The following FAM78B variants were observed in gnomAD, a reference collection of about 807,000 sequenced individuals.
The protein encoded by FAM78B is protein FAM78B.
A neutral mutation model predicts 20.0 loss-of-function variants in FAM78B; 10 were observed. The ratio of observed to expected loss-of-function variants is 0.50; its 90% CI spans 0.31 to 0.85. FAM78B has a LOEUF of 0.85. Among genes scored for constraint, FAM78B ranks in the 40% least tolerant of loss-of-function variants. FAM78B has a pLI of 0.05. For synonymous variants in FAM78B, 135 were observed against 132.8 expected (o/e 1.02, Z -0.12); for missense variants, 283 against 345.0 (o/e 0.82, Z 1.42).
intron 1 of FAM78B, among the ~76,000 whole-genome samples, chr1:166,125,447 C>T (rs1480090282): frequency 1.3e-5 from 2 of 152,186 alleles, no homozygotes; most frequent in Non-Finnish European, 2.9e-5. Context: ...GGTCCATCTT[C>T]CCTGCCAGTG....
intron 1 of FAM78B, among the ~76,000 whole-genome samples, chr1:166,117,512 C>T (rs564026370): frequency 3.4e-4 from 51 of 152,200 alleles, no homozygotes; most frequent in African/African-American, 1.2e-3. Context: ...CCATTAATTC[C>T]CATGTGAAAA....
chr1:166,070,081 CA>C lies in FAM78B; in HGVS notation c.*159del. 7.6e-7 allele frequency: 1 copy of C among 1,312,714 alleles called. No homozygotes were observed. The highest frequency in any genetic ancestry group is 3.0e-4 in the Middle Eastern group (1 of 3,384). The allele number at this position is 1,312,714 out of a possible 1,614,324, so 81.3% of individuals were successfully genotyped here. On this transcript the variant is annotated 3_prime_UTR_variant, in exon 2 of 2. Transcript: ENST00000354422. ...TTTTTCCTAAGGATTATGGTTCTACCACCCAAGGAGCAGCCCTACTCTTCAA... is the reference window on the plus strand; with the variant it reads ...TTTTTCCTAAGGATTATGGTTCTACCCCCAAGGAGCAGCCCTACTCTTCAA...
intron 1 of FAM78B, among the ~76,000 whole-genome samples, chr1:166,156,165 C>T (rs1349925601): frequency 1.3e-5 from 2 of 152,264 alleles, no homozygotes; most frequent in Non-Finnish European, 2.9e-5. Context: ...CGAGGCAGGC[C>T]TCGCACAGTG....
At chr1:166,104,274 T>C (rs1436489326) in intron 1 of FAM78B, among the ~76,000 whole-genome samples, 1 of 152,172 alleles carries the variant, frequency 6.6e-6, no homozygotes, top group Non-Finnish European at 1.5e-5. Context: ...ACTAGAAGCA[T>C]TCCCTTTGAA....
chr1:166,109,911 T>TAC (rs1653982392), intron 1 of FAM78B, among the ~76,000 whole-genome samples: 9 of 110,124 alleles, frequency 8.2e-5, no homozygotes, highest in African/African-American at 2.7e-4. Flanking sequence ...TATATATATA[T>TAC]ATATATATAA....
At chr1:166,114,377 C>G (rs1017960795) in intron 1 of FAM78B, among the ~76,000 whole-genome samples, 5 of 152,138 alleles carry the variant, frequency 3.3e-5, no homozygotes, top group African/African-American at 1.2e-4. Flanking sequence ...TAAAATGGTT[C>G]AAATTTTTCA....
At chr1:166,139,901 G>C (rs1186901979) in intron 1 of FAM78B, among the ~76,000 whole-genome samples, 2 of 152,184 alleles carry the variant, frequency 1.3e-5, no homozygotes, top group African/African-American at 4.8e-5. Flanking sequence ...GGAGGGAAGA[G>C]GCTGGGCTTT....
intron 1 of FAM78B, among the ~76,000 whole-genome samples, chr1:166,140,201 G>A (rs1328283142): frequency 2.0e-5 from 3 of 152,126 alleles, no homozygotes; most frequent in Non-Finnish European, 4.4e-5. Flanking sequence ...AAATGTGCAG[G>A]CTACACATTC....
At chr1:166,144,187 C>T (rs1417372482) in intron 1 of FAM78B, among the ~76,000 whole-genome samples, 1 of 152,106 alleles carries the variant, frequency 6.6e-6, no homozygotes, top group Non-Finnish European at 1.5e-5. Flanking sequence ...GAACGCCAAA[C>T]TCTAAATTTC....
At chr1:166,139,985 G>A (rs906088439) in intron 1 of FAM78B, among the ~76,000 whole-genome samples, 2 of 152,194 alleles carry the variant, frequency 1.3e-5, no homozygotes, top group Non-Finnish European at 2.9e-5. Context: ...ATGTGACAAA[G>A]GCCACGCAGG....
In FAM78B at chr1:166,070,354, G is replaced by T. The variant is rs1314055154; in HGVS notation, c.673C>A (p.Arg225=). The change falls in exon 2 of 2, where the codon CGG becomes AGG. Residue 225 remains arginine (R), a synonymous_variant. Coordinates refer to ENST00000354422, the MANE Select transcript of FAM78B (RefSeq NM_001017961.5). Reference sequence around the variant, plus strand: ...GCATTAGGGGGGATGGGTTCCATCCGGCTCAGGATCCGGGGCTGCTCCTGC... The same window carrying T: ...GCATTAGGGGGGATGGGTTCCATCCTGCTCAGGATCCGGGGCTGCTCCTGC... ...TQQEQPRILS[R]MEPIPPNALV... is the part of the protein sequence containing the mutation. 6.2e-7 allele frequency: 1 copy of T among 1,613,044 alleles called. No individual in the cohort carries two copies. The highest frequency in any genetic ancestry group is 1.7e-5 in the Admixed American group (1 of 59,980).
intron 1 of FAM78B, chr1:166,082,690 C>T (rs1228971050): frequency 6.6e-6 from 1 of 152,342 alleles, no homozygotes; most frequent in Non-Finnish European, 1.5e-5. Context: ...GTGCTTCCTT[C>T]AAGCAGCGCA....
chr1:166,098,658 CAA>C (rs1653378558), intron 1 of FAM78B, among the ~76,000 whole-genome samples: 1 of 151,862 alleles, frequency 6.6e-6, no homozygotes, highest in Non-Finnish European at 1.5e-5. Context: ...AGCTCAAAGA[CAA>C]AGTCTTCGAA....
chr1:166,148,043 C>T (rs980351843), intron 1 of FAM78B: 2 of 152,210 alleles, frequency 1.3e-5, no homozygotes, highest in Non-Finnish European at 2.9e-5. Flanking sequence ...TTGTGGTACA[C>T]TCTTCCTGTT....
At chr1:166,068,235 G>C (rs1234902291), downstream of FAM78B, among the ~76,000 whole-genome samples, 1 of 152,156 alleles carries the variant, frequency 6.6e-6, no homozygotes, top group Non-Finnish European at 1.5e-5. Flanking sequence ...TGTGGTGTCA[G>C]CATGGAAAAT....
chr1:166,102,919 G>C (rs1175802231), intron 1 of FAM78B, among the ~76,000 whole-genome samples: 73 of 152,140 alleles, frequency 4.8e-4, no homozygotes, highest in East Asian at 2.1e-3. Context: ...TTTTCAGCAC[G>C]ACACCACACC....
At chr1:166,068,843 T>C (rs1651901144), downstream of FAM78B, among the ~76,000 whole-genome samples, 1 of 151,804 alleles carries the variant, frequency 6.6e-6, no homozygotes, top group Non-Finnish European at 1.5e-5. Flanking sequence ...GGAAAAGCTC[T>C]TTTTTTGAGG....
At chr1:166,089,660 G>A (rs1652986438) in intron 1 of FAM78B, among the ~76,000 whole-genome samples, 1 of 152,002 alleles carries the variant, frequency 6.6e-6, no homozygotes, top group Admixed American at 6.6e-5. Flanking sequence ...GTACAGTTAG[G>A]GCATCCAGAG....
chr1:166,066,182 G>A (rs182495034), downstream of FAM78B, among the ~76,000 whole-genome samples: 29 of 152,286 alleles, frequency 1.9e-4, no homozygotes, highest in Non-Finnish European at 2.5e-4. Flanking sequence ...GCCTTGTGGT[G>A]CTTAAAGGAT....
Sources: allele counts gnomAD v4.1 joint callset (sites outside exome capture counted in the v4.1 genomes callset), GRCh38; gene constraint gnomAD v4.1.1; transcripts MANE v1.5; gene names NCBI Gene and HGNC (gene_info 2026-07-23, HGNC 2026-07-21).